DPH6: variants seen among roughly 807,000 people sequenced by gnomAD.
DPH6 encodes diphthamine biosynthesis 6, also known as diphthine--ammonia ligase.
Under a neutral mutation model 38.2 loss-of-function variants are expected in DPH6, and 33 were observed. The ratio of observed to expected loss-of-function variants is 0.86; its 90% CI spans 0.65 to 1.15. DPH6 has a LOEUF of 1.15. Ranked by LOEUF, DPH6 falls within the 50% of genes most tolerant of loss-of-function variation. DPH6 has a pLI of 0.00. For synonymous variants in DPH6, 108 were observed against 103.0 expected, an observed-to-expected ratio of 1.05 and a Z score of -0.30; for missense variants, 325 against 320.0, an observed-to-expected ratio of 1.02 and a Z score of -0.12.
chr15:35,443,040 T>C (rs2053807950), intron 5 of DPH6, among the ~76,000 whole-genome samples: 1 of 152,224 alleles, frequency 6.6e-6, no homozygotes. Context: ...AGTGTATTAA[T>C]TACATTTCCA....
chr15:35,400,489 T>C (rs2140975968), intron 6 of DPH6, among the ~76,000 whole-genome samples: 1 of 152,262 alleles, frequency 6.6e-6, no homozygotes, highest in African/African-American at 2.4e-5. Flanking sequence ...CAGTGAATCA[T>C]GAAGTAGTAA....
At chr15:35,315,154 C>T (rs1318921960) in intron 3 of DPH6, among the ~76,000 whole-genome samples, 3 of 152,214 alleles carry the variant, frequency 2.0e-5, no homozygotes, top group Non-Finnish European at 4.4e-5. Context: ...ACAACCAACA[C>T]TTCAAAAGTT....
intron 3 of DPH6, among the ~76,000 whole-genome samples, chr15:35,288,476 T>C (rs1003239138): frequency 1.3e-5 from 2 of 152,194 alleles, no homozygotes; most frequent in Non-Finnish European, 1.5e-5. Context: ...GGATGACATA[T>C]CTAATTTTTT....
intron 3 of DPH6, among the ~76,000 whole-genome samples, chr15:35,490,524 A>G (rs76567990): frequency 0.018 from 2,782 of 152,276 alleles, 86 homozygotes; most frequent in African/African-American, 0.062. Flanking sequence ...CGATTCATTC[A>G]TGCTATTTTA....
intron 1 of DPH6, 31 bp downstream of exon 1, chr15:35,546,088 G>A: frequency 7.3e-7 from 1 of 1,379,194 alleles, no homozygotes; most frequent in African/African-American, 1.5e-5. Flanking sequence ...CCTGGCCTAG[G>A]AGGAAGGAGG....
At chr15:35,264,220 C>G (rs1210708654) in intron 3 of DPH6, among the ~76,000 whole-genome samples, 3 of 151,984 alleles carry the variant, frequency 2.0e-5, no homozygotes, top group Admixed American at 2.0e-4. Flanking sequence ...TTTATTAAAA[C>G]AAATAATAAA....
the DPH6 span, among the ~76,000 whole-genome samples, chr15:35,194,369 C>CAGAGAGAGAGAGAGAGAG: frequency 5.3e-3 from 768 of 144,710 alleles, 6 homozygotes; most frequent in Middle Eastern, 0.011. Flanking sequence ...TTCCTTTTTC[C>CAGAGAGAGAGAGAGAGAG]AGAGAGAGAG....
chr15:35,308,727 T>C (rs1360271591), intron 3 of DPH6, among the ~76,000 whole-genome samples: 3 of 152,208 alleles, frequency 2.0e-5, no homozygotes, highest in Non-Finnish European at 4.4e-5. Flanking sequence ...TAGGTCTTAG[T>C]GCTTCTGTTA....
the DPH6 span, among the ~76,000 whole-genome samples, chr15:35,164,426 A>G: frequency 6.6e-6 from 1 of 151,814 alleles, no homozygotes; most frequent in Non-Finnish European, 1.5e-5. Flanking sequence ...GCAGTGGCAG[A>G]GTTCTAATGC....
At chr15:35,260,121 T>G (rs991879922) in intron 3 of DPH6, among the ~76,000 whole-genome samples, 3 of 152,196 alleles carry the variant, frequency 2.0e-5, no homozygotes, top group Admixed American at 2.0e-4. Flanking sequence ...TTTTATTTTA[T>G]TTTTTGAGAC....
chr15:35,386,980 A>C (rs925869961), intron 6 of DPH6, among the ~76,000 whole-genome samples: 2 of 152,240 alleles, frequency 1.3e-5, no homozygotes, highest in African/African-American at 4.8e-5. Context: ...TTTAGGTCTA[A>C]CATGTAAGTC....
At chr15:35,209,901 G>C in the DPH6 span, among the ~76,000 whole-genome samples, 4 of 152,192 alleles carry the variant, frequency 2.6e-5, no homozygotes, top group Non-Finnish European at 5.9e-5. Flanking sequence ...TGGTAGGCTA[G>C]AAATAAAATA....
chr15:35,178,149 A>G, the DPH6 span, among the ~76,000 whole-genome samples: 1 of 152,212 alleles, frequency 6.6e-6, no homozygotes, highest in Non-Finnish European at 1.5e-5. Flanking sequence ...AACAAAACAG[A>G]TATTTCCTTT....
intron 3 of DPH6, among the ~76,000 whole-genome samples, chr15:35,239,119 C>T (rs577630040): frequency 1.4e-5 from 2 of 144,114 alleles, no homozygotes; most frequent in African/African-American, 2.5e-5. Context: ...CCCCCGTCCT[C>T]CTGCTCTTTG....
At position 35,373,564 on chromosome 15, in the gene DPH6, G is replaced by C. The variant is rs10519996; in HGVS notation, c.707C>G (p.Pro236Arg). ...TTCTAAAAAGCGTAGATAAGCCACA[G>C]GTGCAAATGCATCAGCTGAATGTAT... ...VVIHSADAFA[P>R]VAYLRFLELH... Residue 236 changes from proline (P) to arginine (R), a missense_variant, in exon 8 of 9, where the codon CCT becomes CGT. Coordinates refer to ENST00000256538, the MANE Select transcript of DPH6 (RefSeq NM_080650.4). 12,329 of 1,608,460 alleles carry C rather than the reference G, an allele frequency of 7.7e-3. 720 individuals carry two copies. The Admixed American group carries it at 0.13, about 17-fold the overall frequency.
intron 3 of DPH6, among the ~76,000 whole-genome samples, chr15:35,292,369 C>T (rs149983448): frequency 9.9e-4 from 150 of 152,224 alleles, no homozygotes; most frequent in Non-Finnish European, 3.2e-4. Context: ...CAATGATCTA[C>T]TCTTGGTTAC....
At chr15:35,510,302 G>A (rs193276125) in intron 3 of DPH6, among the ~76,000 whole-genome samples, 83 of 152,258 alleles carry the variant, frequency 5.5e-4, no homozygotes, top group Non-Finnish European at 1.0e-3. Flanking sequence ...GAACTTTGTC[G>A]TATCATCTCC....
chr15:35,540,657 TCTCA>T (rs1350768558), intron 2 of DPH6, among the ~76,000 whole-genome samples: 2 of 152,082 alleles, frequency 1.3e-5, no homozygotes, highest in African/African-American at 2.4e-5. Flanking sequence ...TCAAATTTTT[TCTCA>T]CTAACAATAT....
intron 3 of DPH6, among the ~76,000 whole-genome samples, chr15:35,488,458 G>A (rs569557260): frequency 2.0e-5 from 3 of 152,292 alleles, no homozygotes; most frequent in South Asian, 4.1e-4. Context: ...ACAGTGGAAG[G>A]CAAAGGAGAA....
Sources: allele counts gnomAD v4.1 joint callset (sites outside exome capture counted in the v4.1 genomes callset), GRCh38; gene constraint gnomAD v4.1.1; transcripts MANE v1.5; gene names NCBI Gene and HGNC (gene_info 2026-07-23, HGNC 2026-07-21).